The following MGRN1 variants were observed in gnomAD, a reference collection of about 807,000 sequenced individuals.
The protein encoded by MGRN1 is E3 ubiquitin-protein ligase MGRN1.
In MGRN1, 29 loss-of-function variants were observed where a neutral mutation model predicts 69.2. The observed-to-expected ratio is 0.42, with a 90% CI of 0.31 to 0.57. The LOEUF is 0.57. Ranked by LOEUF, MGRN1 falls within the 20% of genes least tolerant of loss-of-function variation. The pLI, the probability that MGRN1 is intolerant of heterozygous loss-of-function variation, is 0.15. For synonymous variants in MGRN1, 470 were observed against 344.2 expected, an observed-to-expected ratio of 1.37 and a Z score of -4.04; for missense variants, 998 against 796.2, an observed-to-expected ratio of 1.25 and a Z score of -3.05.
chr16:4,685,264 T>C (rs75166150), intron 16 of MGRN1, among the ~76,000 whole-genome samples: 1,815 of 152,332 alleles, frequency 0.012, 29 homozygotes, highest in African/African-American at 0.041. Flanking sequence ...ACGAACATGA[T>C]ATCTGATCCT....
At chr16:4,675,356 G>C (rs1012542051) in intron 10 of MGRN1, among the ~76,000 whole-genome samples, 6 of 152,054 alleles carry the variant, frequency 3.9e-5, no homozygotes, top group Admixed American at 2.6e-4. Flanking sequence ...AGTGGTCCTC[G>C]TGCCTCCTAA....
intron 10 of MGRN1, among the ~76,000 whole-genome samples, chr16:4,674,378 T>G (rs550953566): frequency 6.6e-6 from 1 of 151,836 alleles, no homozygotes; most frequent in African/African-American, 2.4e-5. Context: ...AAACTCCGCC[T>G]CCCGGGTTTA....
Position 4,683,832 on chromosome 16 carries a change from T to G in MGRN1, c.1529-11T>G, listed in dbSNP as rs1386517033. ...TGCCTGTAGGTCCCTAACCTCACCC[T>G]CTGCCTGCAGGGACCCGAGCAGCTT... On this transcript the variant is annotated splice_polypyrimidine_tract_variant and intron_variant, in intron 15 of 16. Transcript: ENST00000262370. The G allele has an allele frequency of 1.2e-6, 2 of 1,611,580 alleles. No homozygotes were observed. Among genetic ancestry groups the G allele is most frequent in the Non-Finnish European group, 1.7e-6 (2 of 1,179,258 alleles).
intron 10 of MGRN1, 167 bp from the exon 11 acceptor site, chr16:4,677,296 C>G (rs1251601814): frequency 1.3e-5 from 6 of 450,820 alleles, no homozygotes; most frequent in African/African-American, 2.0e-5. Context: ...CTATTAAATT[C>G]CTGCTCCTTA....
At chr16:4,687,577 AT>A in intron 16 of MGRN1, 1 of 966,390 alleles carries the variant, frequency 1.0e-6, no homozygotes. Flanking sequence ...GAAAAAAAAA[AT>A]ACACACACAC....
At chr16:4,685,301 T>C (rs538036744) in intron 16 of MGRN1, among the ~76,000 whole-genome samples, 1 of 152,334 alleles carries the variant, frequency 6.6e-6, no homozygotes, top group African/African-American at 2.4e-5. Context: ...GGGGAGCATC[T>C]CAGAGGCTGC....
chr16:4,673,200 C>G (rs552997876), intron 9 of MGRN1, among the ~76,000 whole-genome samples: 17 of 152,238 alleles, frequency 1.1e-4, no homozygotes, highest in African/African-American at 4.1e-4. Context: ...AGATGTGTTT[C>G]TTAGGTGCAT....
intron 4 of MGRN1, among the ~76,000 whole-genome samples, chr16:4,654,935 GC>G (rs920158110): frequency 1.2e-4 from 18 of 152,232 alleles, no homozygotes; most frequent in Admixed American, 7.8e-4. Flanking sequence ...GTTCTTTGAG[GC>G]TCTACCTTGC....
chr16:4,684,066 C>A, intron 16 of MGRN1, 134 bp downstream of exon 16: 1 of 793,370 alleles, frequency 1.3e-6, no homozygotes, highest in Non-Finnish European at 2.0e-6. Context: ...TGGCTCTCAG[C>A]CATGCCCCTG....
chr16:4,652,395 T>G (rs1460630561), intron 3 of MGRN1, among the ~76,000 whole-genome samples: 1 of 152,004 alleles, frequency 6.6e-6, no homozygotes, highest in African/African-American at 2.4e-5. Context: ...AGCACCAGAT[T>G]TCAGCAGGTT....
Position 4,637,918 on chromosome 16 carries a change from A to C in MGRN1, c.89-12447A>C, listed in dbSNP as rs544972539. The stretch of plus-strand genomic sequence containing the variant: ...CAGAAAAGGGGAGGACACACCCCCA[A>C]CAAAAAAGGTGACTACAGCTTATGC... On this transcript the variant is annotated intron_variant, in intron 1 of 16. Transcript: ENST00000262370. Among the ~76,000 whole-genome samples, 250 of 152,350 alleles carry C rather than the reference A, an allele frequency of 1.6e-3. 1 individual carries two copies. Among genetic ancestry groups the C allele is most frequent in the Non-Finnish European group, 2.9e-3 (197 of 68,026 alleles).
chr16:4,644,378 T>C (rs1024231312), intron 1 of MGRN1, among the ~76,000 whole-genome samples: 1 of 147,350 alleles, frequency 6.8e-6, no homozygotes, highest in Non-Finnish European at 1.5e-5. Flanking sequence ...TGGCCCAATC[T>C]CAGCTCACGG....
intron 4 of MGRN1, 104 bp downstream of exon 4, chr16:4,652,928 T>A: frequency 7.3e-7 from 1 of 1,371,086 alleles, no homozygotes; most frequent in Non-Finnish European, 9.6e-7. Context: ...CAAACCGTGC[T>A]CTTTGACCAT....
intron 14 of MGRN1, 106 bp from the exon 15 acceptor site, chr16:4,683,101 GAGGCAGCACCCCCTGGT>G: frequency 6.6e-7 from 1 of 1,515,856 alleles, no homozygotes; most frequent in Non-Finnish European, 9.0e-7. Flanking sequence ...TCGGTCTGTG[GAGGCAGCACCCCCTGGT>G]GGAGCGGCTG....
intron 4 of MGRN1, among the ~76,000 whole-genome samples, chr16:4,655,928 T>G (rs1596286852): frequency 6.6e-6 from 1 of 152,246 alleles, no homozygotes; most frequent in African/African-American, 2.4e-5. Flanking sequence ...ACTGTGCCTT[T>G]TACTGAGGCT....
At chr16:4,688,089 A>G (rs1199269587) in intron 16 of MGRN1, 2 of 985,550 alleles carry the variant, frequency 2.0e-6, no homozygotes, top group Non-Finnish European at 2.4e-6. Context: ...CCCCGAAGAA[A>G]ATAGACGCCC....
chr16:4,644,777 G>T (rs1308720628), intron 1 of MGRN1, among the ~76,000 whole-genome samples: 1 of 152,090 alleles, frequency 6.6e-6, no homozygotes, highest in African/African-American at 2.4e-5. Flanking sequence ...TTCCAGTTAA[G>T]TTTTTTTGAG....
rs1364474052 is a variant in MGRN1, at chr16:4,675,394, C to A, written c.955+1737C>A. Among the ~76,000 whole-genome samples, 3 of 152,162 alleles carry A rather than the reference C, an allele frequency of 2.0e-5. 1 individual carries two copies. In the South Asian group the frequency reaches 6.2e-4, roughly 32 times the overall value. The stretch of plus-strand genomic sequence containing the variant: ...TGTTGGGATTATGGGCATGAGCCAC[C>A]ATGGCCAGCTCAGATCTTTATTTTA... On this transcript the variant is annotated intron_variant, in intron 10 of 16. Transcript: ENST00000262370.
At chr16:4,663,365 GTTTTTT>G (rs1183914569) in intron 5 of MGRN1, among the ~76,000 whole-genome samples, 7 of 61,828 alleles carry the variant, frequency 1.1e-4, no homozygotes, top group Admixed American at 8.5e-4. Flanking sequence ...ACCTGGCCTT[GTTTTTT>G]TTTTTTTTTT....
Sources: allele counts gnomAD v4.1 joint callset (sites outside exome capture counted in the v4.1 genomes callset), GRCh38; gene constraint gnomAD v4.1.1; transcripts MANE v1.5; gene names NCBI Gene and HGNC (gene_info 2026-07-23, HGNC 2026-07-21).